Variants in GLDC observed in about 807,000 individuals in gnomAD.
GLDC encodes the protein glycine decarboxylase.
GLDC carries 104 observed loss-of-function variants against 121.3 expected under a neutral mutation model. The observed-to-expected ratio is 0.86, with a 90% CI of 0.73 to 1.01. The LOEUF (loss-of-function observed/expected upper bound fraction) is 1.01. Ranked by LOEUF, GLDC falls within the 50% of genes least tolerant of loss-of-function variation. The pLI, the probability that GLDC is intolerant of heterozygous loss-of-function variation, is 0.00. For synonymous variants in GLDC, 546 were observed against 480.6 expected, an observed-to-expected ratio of 1.14 and a Z score of -1.78; for missense variants, 1,429 against 1,306.6, an observed-to-expected ratio of 1.09 and a Z score of -1.44.
intron 2 of GLDC, among the ~76,000 whole-genome samples, chr9:6,625,891 A>G (rs1819227426): frequency 6.6e-6 from 1 of 151,212 alleles, no homozygotes; most frequent in African/African-American, 2.4e-5. Context: ...AGTTTTCTGA[A>G]AAATGCACTT....
rs536962572 is a variant in GLDC, at chr9:6,553,408, C to A, written c.2417G>T (p.Gly806Val). The change falls in exon 20 of 25, where the codon GGC becomes GTC. Residue 806 changes from glycine (G) to valine (V), a missense_variant. Coordinates refer to ENST00000321612, the MANE Select transcript of GLDC (RefSeq NM_000170.3). ...PVGTVSAAPWGSSSILPISWA... is the reference protein window; with the variant it reads ...PVGTVSAAPWVSSSILPISWA... Reference sequence around the variant, plus strand: ...GGAAATGGGCAAGATGGAACTGGAGCCCCATGGGGCCGCACTGACGGTTCC... The same window carrying A: ...GGAAATGGGCAAGATGGAACTGGAGACCCATGGGGCCGCACTGACGGTTCC... The A allele has an allele frequency of 1.2e-6, 2 of 1,613,768 alleles. No individual in the cohort carries two copies. The highest frequency in any genetic ancestry group is 2.7e-5 in the African/African-American group (2 of 75,020).
intron 2 of GLDC, among the ~76,000 whole-genome samples, chr9:6,637,344 G>T (rs1280742280): frequency 6.6e-6 from 1 of 151,824 alleles, no homozygotes; most frequent in African/African-American, 2.4e-5. Context: ...GGCAGAGGTT[G>T]CAGTGAGCTG....
intron 2 of GLDC, 121 bp from the exon 3 acceptor site, chr9:6,620,440 G>GTT (rs1819068246): frequency 1.2e-6 from 1 of 861,188 alleles, no homozygotes; most frequent in East Asian, 2.6e-5. Context: ...GAAAATGTAA[G>GTT]AGTCATCCAT....
intron 2 of GLDC, among the ~76,000 whole-genome samples, chr9:6,636,535 G>T (rs1819506368): frequency 6.6e-6 from 1 of 152,114 alleles, no homozygotes; most frequent in Admixed American, 6.6e-5. Context: ...AGTATTTTGG[G>T]AGGCAGAGTC....
chr9:6,608,361 G>C (rs963751135), intron 4 of GLDC, among the ~76,000 whole-genome samples: 6 of 150,656 alleles, frequency 4.0e-5, no homozygotes, highest in African/African-American at 1.5e-4. Flanking sequence ...GGCGGAGCTT[G>C]CAGTGAGCCG....
chr9:6,551,615 A>T (rs1459642699), intron 20 of GLDC, among the ~76,000 whole-genome samples: 1 of 152,216 alleles, frequency 6.6e-6, no homozygotes. Flanking sequence ...AGGGGGTCCA[A>T]AGTAAAAAGG....
At position 6,554,792 on chromosome 9, in the gene GLDC, G is replaced by T. The variant is rs771697455; in HGVS notation, c.2203-11C>A. The T allele has an allele frequency of 1.9e-6, 3 of 1,602,424 alleles. No individual in the cohort carries two copies. Among genetic ancestry groups the T allele is most frequent in the Non-Finnish European group, 2.6e-6 (3 of 1,171,732 alleles). The stretch of plus-strand genomic sequence containing the variant: ...GCGACAGATTCCCACCTACCACAAA[G>T]GCAAGGGCCAAAAGCAAAAGTCAAG... On this transcript the variant is annotated splice_polypyrimidine_tract_variant and intron_variant, in intron 18 of 24. Coordinates refer to ENST00000321612, the MANE Select transcript of GLDC (RefSeq NM_000170.3).
At chr9:6,547,204 G>T (rs1338980128) in intron 21 of GLDC, among the ~76,000 whole-genome samples, 1 of 151,946 alleles carries the variant, frequency 6.6e-6, no homozygotes, top group Non-Finnish European at 1.5e-5. Flanking sequence ...AGCAATTAGG[G>T]AAAAAACCAA....
At chr9:6,534,653 G>A (rs762969885) in intron 24 of GLDC, 55 bp downstream of exon 24, 3 of 883,242 alleles carry the variant, frequency 3.4e-6, no homozygotes, top group African/African-American at 3.3e-5. Context: ...CACCCGTCAG[G>A]ATAGGAGCTG....
intron 21 of GLDC, among the ~76,000 whole-genome samples, chr9:6,544,729 A>T (rs535899150): frequency 7.4e-6 from 1 of 134,340 alleles, no homozygotes; most frequent in East Asian, 2.6e-4. Flanking sequence ...TCCTCCTACT[A>T]ATGGGAACTC....
intron 15 of GLDC, among the ~76,000 whole-genome samples, chr9:6,575,080 T>C (rs1441095667): frequency 6.6e-6 from 1 of 151,936 alleles, no homozygotes; most frequent in Non-Finnish European, 1.5e-5. Context: ...CGGGCACCTG[T>C]AGCATCGGTT....
chr9:6,643,105 C>G (rs2130023392), intron 2 of GLDC, among the ~76,000 whole-genome samples: 1 of 152,012 alleles, frequency 6.6e-6, no homozygotes, highest in Middle Eastern at 3.4e-3. Flanking sequence ...GCAATATTGC[C>G]CAAACTGGTC....
At chr9:6,544,597 C>G (rs1454289150) in intron 21 of GLDC, among the ~76,000 whole-genome samples, 5 of 146,872 alleles carry the variant, frequency 3.4e-5, no homozygotes, top group Admixed American at 2.8e-4. Flanking sequence ...CGAGATTGCA[C>G]CACTGGACTC....
intron 21 of GLDC, chr9:6,541,826 C>CACAAAAAAAAA (rs1817268561): frequency 1.9e-5 from 1 of 51,750 alleles, no homozygotes; most frequent in Non-Finnish European, 3.2e-5. Flanking sequence ...GACTTCATCT[C>CACAAAAAAAAA]AAAAAAAAAA....
chr9:6,623,459 C>G (rs1180112113), intron 2 of GLDC, among the ~76,000 whole-genome samples: 1 of 149,700 alleles, frequency 6.7e-6, no homozygotes, highest in Non-Finnish European at 1.5e-5. Context: ...ATCTCAAGTA[C>G]CCAGGGACAC....
rs148445524 is a variant in GLDC, at chr9:6,535,877, GAGT to G, written c.2838+184_2838+186del. The G allele has an allele frequency of 1.1e-4, 69 of 628,620 alleles. No individual in the cohort carries two copies. In the African/African-American group the frequency reaches 1.1e-3, roughly 10 times the overall value. 38.9% of individuals were successfully genotyped at this position (628,620 alleles called of 1,614,324 possible). On this transcript the variant is annotated intron_variant, in intron 23 of 24. Coordinates refer to ENST00000321612, the MANE Select transcript of GLDC (RefSeq NM_000170.3). The stretch of plus-strand genomic sequence containing the variant: ...CAGCTTCCACAACCACATCATCCTT[GAGT>G]AACTGCTATGCTGTTCAAGACGATG...
Position 6,538,918 on chromosome 9 carries a change from C to T in GLDC, c.2665+1133G>A, listed in dbSNP as rs1025676622. Among the ~76,000 whole-genome samples, 4 of 152,224 alleles carry T rather than the reference C, an allele frequency of 2.6e-5. No individual in the cohort carries two copies. The East Asian group carries it at 5.8e-4, about 22-fold the overall frequency. On this transcript the variant is annotated intron_variant, in intron 22 of 24. Transcript: ENST00000321612. Reference sequence around the variant, plus strand: ...GGGATTGGTAATTTCATTAATGAAGCCTTTCTCTGGCTTTCCCATCTATTA... The same window carrying T: ...GGGATTGGTAATTTCATTAATGAAGTCTTTCTCTGGCTTTCCCATCTATTA...
chr9:6,608,847 G>A (rs112162179), intron 4 of GLDC, among the ~76,000 whole-genome samples: 3 of 152,116 alleles, frequency 2.0e-5, no homozygotes, highest in Non-Finnish European at 4.4e-5. Context: ...AAAAAGCTGA[G>A]AATAATAACC....
chr9:6,578,988 CA>C (rs1248462626), intron 15 of GLDC, among the ~76,000 whole-genome samples: 1 of 152,178 alleles, frequency 6.6e-6, no homozygotes, highest in Non-Finnish European at 1.5e-5. Flanking sequence ...CTGTTTTCAA[CA>C]TGCCCTTATG....
Sources: allele counts gnomAD v4.1 joint callset (sites outside exome capture counted in the v4.1 genomes callset), GRCh38; gene constraint gnomAD v4.1.1; transcripts MANE v1.5; gene names NCBI Gene and HGNC (gene_info 2026-07-23, HGNC 2026-07-21).